Variants in DAP observed in about 807,000 individuals in gnomAD.
DAP encodes death associated protein.
Under a neutral mutation model 13.8 loss-of-function variants are expected in DAP, and 8 were observed. The observed-to-expected ratio is 0.58, with a 90% CI of 0.34 to 1.05. The LOEUF is 1.05. DAP is among the 50% of genes least tolerant of loss of function. The pLI is 0.03. For synonymous variants in DAP, 47 were observed against 47.5 expected (o/e 0.99, Z 0.04); for missense variants, 106 against 133.2 (o/e 0.80, Z 1.01).
chr5:10,757,436 G>T (rs997479283), intron 1 of DAP, among the ~76,000 whole-genome samples: 2 of 152,158 alleles, frequency 1.3e-5, no homozygotes, highest in African/African-American at 4.8e-5. Context: ...CAGCACACCC[G>T]ACTAATTTTG....
intron 2 of DAP, among the ~76,000 whole-genome samples, chr5:10,702,516 G>A (rs1738606020): frequency 6.6e-6 from 1 of 152,162 alleles, no homozygotes; most frequent in Non-Finnish European, 1.5e-5. Context: ...AGACTGACCT[G>A]GAAGATTGGC....
intron 2 of DAP, among the ~76,000 whole-genome samples, chr5:10,742,324 G>A (rs1220250382): frequency 1.3e-5 from 2 of 152,138 alleles, no homozygotes; most frequent in African/African-American, 4.8e-5. Flanking sequence ...CACAAGGTCA[G>A]GAGTTCAAGA....
chr5:10,720,901 C>T (rs1204090375), intron 2 of DAP, among the ~76,000 whole-genome samples: 3 of 152,214 alleles, frequency 2.0e-5, no homozygotes, highest in Non-Finnish European at 2.9e-5. Context: ...GACTACCAGC[C>T]GTGGACTCGC....
intron 2 of DAP, among the ~76,000 whole-genome samples, chr5:10,716,180 C>T (rs1221819338): frequency 6.6e-6 from 1 of 152,112 alleles, no homozygotes; most frequent in Non-Finnish European, 1.5e-5. Context: ...TGAGCTCCAT[C>T]GGTGAAGAAA....
At chr5:10,713,790 G>A (rs1202154802) in intron 2 of DAP, among the ~76,000 whole-genome samples, 6 of 152,236 alleles carry the variant, frequency 3.9e-5, no homozygotes, top group African/African-American at 9.6e-5. Flanking sequence ...TTCCTCATTC[G>A]GGTGATGACA....
intron 2 of DAP, among the ~76,000 whole-genome samples, chr5:10,687,789 AAAG>A (rs1450950442): frequency 7.9e-5 from 12 of 152,216 alleles, no homozygotes; most frequent in Non-Finnish European, 1.8e-4. Context: ...TCCATTTTTG[AAAG>A]AAGTTCTACC....
chr5:10,724,101 T>C (rs182797441), intron 2 of DAP, among the ~76,000 whole-genome samples: 67 of 152,340 alleles, frequency 4.4e-4, no homozygotes, highest in African/African-American at 1.5e-3. Flanking sequence ...CAATAATTTC[T>C]GGTAAAAACT....
At chr5:10,732,258 A>G (rs1399774418) in intron 2 of DAP, among the ~76,000 whole-genome samples, 1 of 152,180 alleles carries the variant, frequency 6.6e-6, no homozygotes, top group African/African-American at 2.4e-5. Flanking sequence ...TAATACATTC[A>G]CTATGTTATG....
At chr5:10,708,527 A>G (rs1233922163) in intron 2 of DAP, among the ~76,000 whole-genome samples, 1 of 152,172 alleles carries the variant, frequency 6.6e-6, no homozygotes, top group Non-Finnish European at 1.5e-5. Context: ...AATCCCATGT[A>G]ATATGGGATC....
intron 2 of DAP, among the ~76,000 whole-genome samples, chr5:10,721,128 G>A (rs1304190139): frequency 1.3e-5 from 2 of 152,186 alleles, no homozygotes; most frequent in African/African-American, 4.8e-5. Context: ...ATACTTTGTA[G>A]GGCTGGGGCA....
At chr5:10,693,389 C>A (rs140364135) in intron 2 of DAP, among the ~76,000 whole-genome samples, 1 of 152,292 alleles carries the variant, frequency 6.6e-6, no homozygotes, top group South Asian at 2.1e-4. Context: ...GGACACATGG[C>A]CTTTAATAAG....
At chr5:10,720,507 G>A (rs1289352587) in intron 2 of DAP, among the ~76,000 whole-genome samples, 1 of 152,252 alleles carries the variant, frequency 6.6e-6, no homozygotes, top group Non-Finnish European at 1.5e-5. Context: ...TAATAATCAA[G>A]TGGATGCGAT....
intron 2 of DAP, among the ~76,000 whole-genome samples, chr5:10,697,585 A>G (rs1045237964): frequency 6.6e-6 from 1 of 152,168 alleles, no homozygotes. Flanking sequence ...CATGTTATAA[A>G]TGGTTTAATT....
intron 2 of DAP, among the ~76,000 whole-genome samples, chr5:10,733,172 G>A (rs1287489941): frequency 1.1e-5 from 1 of 91,336 alleles, no homozygotes; most frequent in Admixed American, 1.2e-4. Flanking sequence ...GTGTGTGTGT[G>A]TGTGTGTGTG....
At chr5:10,759,712 A>G (rs1740289789) in intron 1 of DAP, among the ~76,000 whole-genome samples, 1 of 147,266 alleles carries the variant, frequency 6.8e-6, no homozygotes, top group African/African-American at 2.5e-5. Context: ...CCCGCCCTAT[A>G]GCGGAGGACA....
At chr5:10,701,728 T>C (rs1031829857) in intron 2 of DAP, among the ~76,000 whole-genome samples, 3 of 152,208 alleles carry the variant, frequency 2.0e-5, no homozygotes, top group Non-Finnish European at 4.4e-5. Context: ...ATGATGGTTA[T>C]GTCCCTGATT....
At chr5:10,722,543 TATATAC>T (rs1739172200) in intron 2 of DAP, among the ~76,000 whole-genome samples, 1 of 148,508 alleles carries the variant, frequency 6.7e-6, no homozygotes. Context: ...TATATATACA[TATATAC>T]ATATACATGC....
At chr5:10,689,094 G>C (rs967567877) in intron 2 of DAP, among the ~76,000 whole-genome samples, 1 of 152,142 alleles carries the variant, frequency 6.6e-6, no homozygotes. Context: ...ACAAGGGTGG[G>C]GTTCTATGCC....
intron 2 of DAP, among the ~76,000 whole-genome samples, chr5:10,742,005 A>T (rs1047413818): frequency 1.1e-4 from 16 of 152,340 alleles, no homozygotes; most frequent in African/African-American, 3.6e-4. Context: ...GACTACGTAA[A>T]TATCGTGTTT....
Sources: allele counts gnomAD v4.1 joint callset (sites outside exome capture counted in the v4.1 genomes callset), GRCh38; gene constraint gnomAD v4.1.1; transcripts MANE v1.5; gene names NCBI Gene and HGNC (gene_info 2026-07-23, HGNC 2026-07-21).